The following DTL variants were observed in gnomAD, a reference collection of about 807,000 sequenced individuals.
The protein encoded by DTL is denticleless protein homolog.
A neutral mutation model predicts 87.0 loss-of-function variants in DTL; 46 were observed. The observed-to-expected ratio is 0.53, with a 90% CI of 0.42 to 0.68. The LOEUF (loss-of-function observed/expected upper bound fraction) is 0.68. DTL is among the 30% of genes least tolerant of loss of function. The pLI, the probability that DTL is intolerant of heterozygous loss-of-function variation, is 0.00. For missense variants in DTL, 737 were observed against 869.4 expected, an observed-to-expected ratio of 0.85 and a Z score of 1.91; for synonymous variants, 308 against 311.2, an observed-to-expected ratio of 0.99 and a Z score of 0.11.
intron 1 of DTL, among the ~76,000 whole-genome samples, chr1:212,040,257 A>G (rs1344883389): frequency 2.6e-5 from 4 of 152,330 alleles, no homozygotes; most frequent in Middle Eastern, 3.4e-3. Flanking sequence ...CTCCATTATA[A>G]TGTTGTAAGA....
chr1:212,078,022 GTTGT>G (rs1558084744), intron 11 of DTL, 147 bp from the exon 12 acceptor site: 3 of 390,918 alleles, frequency 7.7e-6, no homozygotes, highest in Admixed American at 7.6e-5. Context: ...TTGGAAATCT[GTTGT>G]TTTTTTTTTC....
chr1:212,066,362 T>C (rs1295296112), intron 7 of DTL, among the ~76,000 whole-genome samples: 1 of 152,176 alleles, frequency 6.6e-6, no homozygotes, highest in East Asian at 1.9e-4. Context: ...TAATAGCAAT[T>C]AGGAGGTACG....
At chr1:212,051,234 G>A (rs1428976063) in intron 5 of DTL, among the ~76,000 whole-genome samples, 2 of 151,878 alleles carry the variant, frequency 1.3e-5, no homozygotes, top group Non-Finnish European at 2.9e-5. Flanking sequence ...ATATCAAAAA[G>A]TGAACCCACA....
intron 13 of DTL, among the ~76,000 whole-genome samples, chr1:212,090,546 G>A (rs1655252519): frequency 6.6e-6 from 1 of 152,200 alleles, no homozygotes; most frequent in South Asian, 2.1e-4. Context: ...AGCTCAGAAG[G>A]AAATTGAGAA....
Position 212,047,325 on chromosome 1 carries a change from A to G in DTL, c.368A>G (p.Lys123Arg). The G allele has an allele frequency of 6.2e-7, 1 of 1,614,190 alleles. No homozygotes were observed. The highest frequency in any genetic ancestry group is 1.1e-5 in the South Asian group (1 of 91,082). ...LVTAAGDQTA[K>R]FWDVKAGELI... ...ACAGCAGCAGGTGATCAAACAGCCAAATTTTGGGACGTAAAAGCTGGTGAG... is the reference window on the plus strand; with the variant it reads ...ACAGCAGCAGGTGATCAAACAGCCAGATTTTGGGACGTAAAAGCTGGTGAG... Residue 123 changes from lysine (K) to arginine (R), a missense_variant, in exon 5 of 15, where the codon AAA becomes AGA. Physicochemically the swap from Lys to Arg is conservative, Grantham distance 26. Coordinates refer to ENST00000366991, the MANE Select transcript of DTL (RefSeq NM_016448.4).
At chr1:212,036,044 T>C in intron 1 of DTL, 102 bp downstream of exon 1, 1 of 1,120,152 alleles carries the variant, frequency 8.9e-7, no homozygotes. Flanking sequence ...GAACTCAGCT[T>C]CTGAGTTCTC....
In DTL at chr1:212,066,902, T is replaced by C. The variant is rs980367719; in HGVS notation, c.713+17T>C. 1.4e-5 allele frequency: 22 copies of C among 1,602,684 alleles called. No homozygotes were observed. The highest frequency in any genetic ancestry group is 1.7e-5 in the Non-Finnish European group (20 of 1,170,518). ...TGTGGATGGGTAAGAGTCTATTTCT[T>C]TTTTCTTCCGACGAGATCTTTTTTA... On this transcript the variant is annotated intron_variant, in intron 8 of 14. Transcript: ENST00000366991.
At chr1:212,059,711 T>A (rs1333643270) in intron 5 of DTL, among the ~76,000 whole-genome samples, 1 of 136,058 alleles carries the variant, frequency 7.3e-6, no homozygotes, top group East Asian at 2.1e-4. Context: ...GTATCCAAAC[T>A]GGAAAAGAAG....
chr1:212,061,264 T>G (rs897558824), intron 5 of DTL, among the ~76,000 whole-genome samples: 1 of 148,048 alleles, frequency 6.8e-6, no homozygotes, highest in African/African-American at 2.5e-5. Flanking sequence ...AAAAAAAAAG[T>G]AGGCAAAGAC....
chr1:212,055,925 C>G (rs372396993), intron 5 of DTL, among the ~76,000 whole-genome samples: 1 of 152,220 alleles, frequency 6.6e-6, no homozygotes, highest in Non-Finnish European at 1.5e-5. Context: ...AGAGTCTAAA[C>G]TTGGGCCTAC....
intron 13 of DTL, among the ~76,000 whole-genome samples, chr1:212,095,376 T>TA (rs779490848): frequency 2.0e-5 from 3 of 152,184 alleles, no homozygotes; most frequent in African/African-American, 7.2e-5. Context: ...GTTTTTCTCT[T>TA]AGAGTTTCGC....
intron 2 of DTL, 34 bp from the exon 3 acceptor site, chr1:212,044,626 A>C: frequency 5.9e-5 from 62 of 1,050,528 alleles, no homozygotes; most frequent in Non-Finnish European, 7.7e-5. Flanking sequence ...AAATTGTGTT[A>C]CTCTATATAT....
chr1:212,038,447 G>A (rs73072552), intron 1 of DTL, among the ~76,000 whole-genome samples: 10,875 of 152,124 alleles, frequency 0.071, 649 homozygotes, highest in African/African-American at 0.16. Context: ...TTAGAGAGTG[G>A]CCTCATTATT....
intron 13 of DTL, among the ~76,000 whole-genome samples, chr1:212,083,668 C>G (rs946861132): frequency 3.9e-5 from 6 of 152,094 alleles, no homozygotes; most frequent in African/African-American, 1.4e-4. Context: ...TTGGAAAGAT[C>G]ATGTACATAG....
At chr1:212,036,340 GCTAT>G (rs2102518427) in intron 1 of DTL, among the ~76,000 whole-genome samples, 1 of 152,234 alleles carries the variant, frequency 6.6e-6, no homozygotes, top group Non-Finnish European at 1.5e-5. Context: ...AGTGAGCCCA[GCTAT>G]GTGCTATAGG....
chr1:212,064,253 A>G (rs919770392), intron 6 of DTL, among the ~76,000 whole-genome samples: 1 of 152,188 alleles, frequency 6.6e-6, no homozygotes, highest in African/African-American at 2.4e-5. Flanking sequence ...AACTGAGCAG[A>G]AAGTACAGAG....
intron 3 of DTL, among the ~76,000 whole-genome samples, chr1:212,046,840 G>A (rs1667821804): frequency 1.3e-5 from 2 of 152,266 alleles, no homozygotes; most frequent in South Asian, 2.1e-4. Context: ...GGTATTTCTG[G>A]TTCTAGGTCT....
rs200864933 is a variant in DTL at position 212,080,604 on chromosome 1, C to G, written c.1126-11C>G. 4 of 1,601,746 alleles carry G rather than the reference C, an allele frequency of 2.5e-6. No homozygotes were observed. The highest frequency in any genetic ancestry group is 3.4e-6 in the Non-Finnish European group (4 of 1,175,368). Reference sequence around the variant, plus strand: ...AAATTTCTTAATTCCCTTCTTGGTACTCCCTCTTAGATTGCTACCTGTTCT... The same window carrying G: ...AAATTTCTTAATTCCCTTCTTGGTAGTCCCTCTTAGATTGCTACCTGTTCT... On this transcript the variant is annotated splice_polypyrimidine_tract_variant and intron_variant, in intron 12 of 14. Transcript: ENST00000366991.
intron 5 of DTL, among the ~76,000 whole-genome samples, chr1:212,060,189 A>C (rs568038254): frequency 7.9e-5 from 12 of 152,374 alleles, no homozygotes; most frequent in African/African-American, 2.4e-4. Context: ...ATTTATGTGG[A>C]GCCAAAAAGA....
Sources: allele counts gnomAD v4.1 joint callset (sites outside exome capture counted in the v4.1 genomes callset), GRCh38; gene constraint gnomAD v4.1.1; transcripts MANE v1.5; gene names NCBI Gene and HGNC (gene_info 2026-07-23, HGNC 2026-07-21).